The following EPB41 variants were observed in gnomAD, a reference collection of about 807,000 sequenced individuals.
The protein encoded by EPB41 is erythrocyte membrane protein band 4.1, also known as protein 4.1.
In EPB41, 65 loss-of-function variants were observed where a neutral mutation model predicts 108.0. The ratio of observed to expected loss-of-function variants is 0.60; its 90% CI spans 0.49 to 0.74. The LOEUF is 0.74. EPB41 is among the 30% of genes least tolerant of loss of function. EPB41 has a pLI of 0.00. For synonymous variants in EPB41, 336 were observed against 358.9 expected (o/e 0.94, Z 0.72); for missense variants, 875 against 1,037.0 (o/e 0.84, Z 2.15).
chr1:29,101,460 A>G (rs1040910151), intron 17 of EPB41, among the ~76,000 whole-genome samples: 1 of 152,126 alleles, frequency 6.6e-6, no homozygotes, highest in Non-Finnish European at 1.5e-5. Flanking sequence ...ATGCTTCCCT[A>G]TTCTCTCTTT....
intron 1 of EPB41, among the ~76,000 whole-genome samples, chr1:28,921,961 T>TATATATATATATATATATATATACAC (rs770764638): frequency 9.1e-5 from 10 of 109,928 alleles, no homozygotes; most frequent in African/African-American, 2.5e-4. Flanking sequence ...TATATATATA[T>TATATATATATATATATATATATACAC]ACACTTTTTT....
At chr1:29,100,633 A>G (rs184717016) in intron 17 of EPB41, among the ~76,000 whole-genome samples, 2 of 146,848 alleles carry the variant, frequency 1.4e-5, no homozygotes, top group East Asian at 2.0e-4. Context: ...TCTTTTATAT[A>G]TATATAAATA....
In EPB41 at chr1:29,103,346, A is replaced by T. The variant is rs558822180; in HGVS notation, c.2313+5411A>T. Among the ~76,000 whole-genome samples, 30 of 152,350 alleles carry T rather than the reference A, an allele frequency of 2.0e-4. 1 individual carries two copies. The South Asian group carries it at 6.0e-3, about 31-fold the overall frequency. Reference sequence around the variant, plus strand: ...AGCAGTCATTTTAAAATATCCTGACATATTAGAGAAATATAAAGGCAGCGT... The same window carrying T: ...AGCAGTCATTTTAAAATATCCTGACTTATTAGAGAAATATAAAGGCAGCGT... On this transcript the variant is annotated intron_variant, in intron 17 of 20. Coordinates refer to ENST00000343067, the MANE Select transcript of EPB41 (RefSeq NM_001376013.1).
intron 11 of EPB41, among the ~76,000 whole-genome samples, chr1:29,041,035 C>T (rs1470956640): frequency 6.6e-6 from 1 of 151,544 alleles, no homozygotes; most frequent in Non-Finnish European, 1.5e-5. Flanking sequence ...ACACAGGAGG[C>T]TGAGGCATGA....
Position 28,941,590 on chromosome 1 carries a change from T to A in EPB41, c.-8+26822T>A, listed in dbSNP as rs537975446. The stretch of plus-strand genomic sequence containing the variant: ...TTTCTGTAAAGAAAATCCACATAAA[T>A]AAGTGATTTAAAATGCTTTCTCAGG... On this transcript the variant is annotated intron_variant, in intron 1 of 20. Transcript: ENST00000343067. Among the ~76,000 whole-genome samples the A allele has an allele frequency of 7.2e-5, 11 of 152,178 alleles. No homozygotes were observed. In the East Asian group the frequency reaches 1.9e-3, roughly 27 times the overall value.
At chr1:29,081,823 G>A (rs1367220464) in intron 16 of EPB41, among the ~76,000 whole-genome samples, 2 of 117,914 alleles carry the variant, frequency 1.7e-5, no homozygotes, top group Non-Finnish European at 3.5e-5. Flanking sequence ...CAACAAGAGC[G>A]AAACTCTGTC....
intron 1 of EPB41, among the ~76,000 whole-genome samples, chr1:28,963,130 G>A (rs959458581): frequency 1.3e-5 from 2 of 152,002 alleles, no homozygotes; most frequent in Non-Finnish European, 2.9e-5. Context: ...AGGATGAACA[G>A]TTTTTCTAAA....
intron 1 of EPB41, among the ~76,000 whole-genome samples, chr1:28,974,812 T>C (rs2095565989): frequency 1.3e-5 from 2 of 151,822 alleles, no homozygotes; most frequent in African/African-American, 2.4e-5. Context: ...TTTTTTTTTT[T>C]GAGATGGAGT....
At chr1:28,980,264 G>A (rs2095706511) in intron 1 of EPB41, among the ~76,000 whole-genome samples, 1 of 152,114 alleles carries the variant, frequency 6.6e-6, no homozygotes, top group Non-Finnish European at 1.5e-5. Context: ...TTTGAGCCGG[G>A]GAGATGGAGG....
intron 1 of EPB41, among the ~76,000 whole-genome samples, chr1:28,956,753 T>G (rs2094963611): frequency 6.6e-6 from 1 of 152,238 alleles, no homozygotes; most frequent in African/African-American, 2.4e-5. Context: ...ACAGTTCTTC[T>G]GATTAGGTAC....
intron 1 of EPB41, among the ~76,000 whole-genome samples, chr1:28,898,671 T>C (rs1357083092): frequency 6.6e-6 from 1 of 152,134 alleles, no homozygotes; most frequent in East Asian, 1.9e-4. Context: ...AAGGAAAAGA[T>C]TAAGAAACAA....
chr1:28,994,372 C>T (rs896462395), intron 3 of EPB41, among the ~76,000 whole-genome samples: 24 of 151,458 alleles, frequency 1.6e-4, no homozygotes, highest in South Asian at 2.1e-4. Flanking sequence ...GGGGTTTCAC[C>T]GTGTTAGCCA....
rs546013386 is a variant in EPB41, at chr1:29,024,197, T to C, written c.1124+5755T>C. 2.6e-5 allele frequency among the ~76,000 whole-genome samples: 4 copies of C among 151,772 alleles called. No homozygotes were observed. In the South Asian group the frequency reaches 8.3e-4, roughly 32 times the overall value. On this transcript the variant is annotated intron_variant, in intron 7 of 20. Coordinates refer to ENST00000343067, the MANE Select transcript of EPB41 (RefSeq NM_001376013.1). ...TGAAAATACAAAAATTAGCTGGGCA[T>C]GGTGGCGCGCACCTGTAGTCCCAAC...
intron 7 of EPB41, among the ~76,000 whole-genome samples, chr1:29,026,218 C>G (rs1345816198): frequency 6.6e-6 from 1 of 152,118 alleles, no homozygotes; most frequent in Non-Finnish European, 1.5e-5. Flanking sequence ...AGGGATTGAT[C>G]AAATTAGTCA....
At chr1:29,116,191 A>C (rs1325502250) in intron 20 of EPB41, among the ~76,000 whole-genome samples, 7 of 125,898 alleles carry the variant, frequency 5.6e-5, no homozygotes, top group South Asian at 2.4e-4. Flanking sequence ...TCATTCTGTC[A>C]CCCAGGCTTG....
At chr1:29,094,270 AT>A (rs916919109) in intron 16 of EPB41, among the ~76,000 whole-genome samples, 3 of 150,302 alleles carry the variant, frequency 2.0e-5, no homozygotes, top group African/African-American at 2.5e-5. Context: ...TTGTTTTCTT[AT>A]TTTTTTTCTT....
intron 17 of EPB41, 91 bp from the exon 18 acceptor site, chr1:29,109,245 A>G (rs1668354007): frequency 1.0e-6 from 1 of 955,834 alleles, no homozygotes; most frequent in Non-Finnish European, 1.7e-6. Flanking sequence ...TTTTTGCATC[A>G]GAATGTGCAG....
chr1:29,068,361 C>T (rs965419276), intron 16 of EPB41, among the ~76,000 whole-genome samples: 1 of 152,184 alleles, frequency 6.6e-6, no homozygotes, highest in Admixed American at 6.5e-5. Context: ...TTGAATTAGT[C>T]TCCATTTCCA....
At position 29,013,264 on chromosome 1, in the gene EPB41, G is replaced by A. The variant is rs552051694; in HGVS notation, c.829+1357G>A. ...TGCTTGAATCAGGGAGTCGGAGGTG[G>A]CAGTGAGCCGAGATCGCGCCACTGC... On this transcript the variant is annotated intron_variant, in intron 5 of 20. Transcript: ENST00000343067. Among the ~76,000 whole-genome samples, 7 of 151,696 alleles carry A rather than the reference G, an allele frequency of 4.6e-5. No individual in the cohort carries two copies. The East Asian group carries it at 1.2e-3, about 26-fold the overall frequency.
Sources: allele counts gnomAD v4.1 joint callset (sites outside exome capture counted in the v4.1 genomes callset), GRCh38; gene constraint gnomAD v4.1.1; transcripts MANE v1.5; gene names NCBI Gene and HGNC (gene_info 2026-07-23, HGNC 2026-07-21).